Variants in PAX3 observed in about 807,000 individuals in gnomAD.
The protein encoded by PAX3 is paired box protein Pax-3.
In PAX3, 14 loss-of-function variants were observed where a neutral mutation model predicts 51.6. That is an observed-to-expected ratio of 0.27 (90% CI 0.18 to 0.42). The LOEUF (loss-of-function observed/expected upper bound fraction) is 0.42. Among genes scored for constraint, PAX3 ranks in the 10% least tolerant of loss-of-function variants. PAX3 has a pLI of 1.00. For missense variants in PAX3, 540 were observed against 642.8 expected (o/e 0.84, Z 1.73); for synonymous variants, 280 against 253.4 (o/e 1.11, Z -1.00).
intron 5 of PAX3, among the ~76,000 whole-genome samples, chr2:222,229,338 A>T (rs1370574256): frequency 6.6e-6 from 1 of 151,730 alleles, no homozygotes; most frequent in Non-Finnish European, 1.5e-5. Flanking sequence ...TTTCTATTGA[A>T]ATATTATGAC....
Position 222,297,578 on chromosome 2 carries a change from T to C in PAX3, c.86-365A>G, listed in dbSNP as rs45533631. ...GGCGAAGAGAAGTTCACCCAGGAGCTGGCCTTGATGAACTCTGCTCCCACC... is the reference window on the plus strand; with the variant it reads ...GGCGAAGAGAAGTTCACCCAGGAGCCGGCCTTGATGAACTCTGCTCCCACC... On this transcript the variant is annotated intron_variant, in intron 1 of 8. Transcript: ENST00000392070. Among the ~76,000 whole-genome samples, 13 of 152,290 alleles carry C rather than the reference T, an allele frequency of 8.5e-5. No homozygotes were observed. The East Asian group carries it at 2.5e-3, about 29-fold the overall frequency.
chr2:222,230,553 A>G (rs962274558), intron 5 of PAX3, among the ~76,000 whole-genome samples: 6 of 152,022 alleles, frequency 3.9e-5, no homozygotes, highest in African/African-American at 1.5e-4. Flanking sequence ...CCCAGAACTT[A>G]AAGTATAATT....
chr2:222,270,656 C>G (rs539491393), intron 4 of PAX3, among the ~76,000 whole-genome samples: 26 of 152,282 alleles, frequency 1.7e-4, no homozygotes, highest in Non-Finnish European at 3.4e-4. Context: ...CATAAATCTC[C>G]AACTCCTTCC....
At chr2:222,280,569 C>T (rs1453862003) in intron 4 of PAX3, among the ~76,000 whole-genome samples, 1 of 152,098 alleles carries the variant, frequency 6.6e-6, no homozygotes, top group Non-Finnish European at 1.5e-5. Context: ...TTGTATTTCC[C>T]TACTTTTTAC....
At chr2:222,246,374 C>T (rs1693227894) in intron 4 of PAX3, among the ~76,000 whole-genome samples, 1 of 152,168 alleles carries the variant, frequency 6.6e-6, no homozygotes, top group Non-Finnish European at 1.5e-5. Flanking sequence ...TTCTTCACCA[C>T]CCAATTTACA....
intron 7 of PAX3, among the ~76,000 whole-genome samples, chr2:222,216,202 G>C (rs1044329699): frequency 6.6e-6 from 1 of 152,152 alleles, no homozygotes; most frequent in African/African-American, 2.4e-5. Context: ...TGTGTAATTT[G>C]TGTTCATAGA....
At chr2:222,298,440 G>C (rs1254158983) in intron 1 of PAX3, 91 bp downstream of exon 1, 2 of 1,069,416 alleles carry the variant, frequency 1.9e-6, no homozygotes, top group East Asian at 2.6e-5. Flanking sequence ...CTTCCTGGAA[G>C]CACCAAAGGA....
Position 222,254,874 on chromosome 2 carries a change from C to G in PAX3, c.587-22591G>C, listed in dbSNP as rs542312222. Among the ~76,000 whole-genome samples the G allele has an allele frequency of 1.1e-4, 17 of 152,252 alleles. No homozygotes were observed. The East Asian group carries it at 3.1e-3, about 28-fold the overall frequency. ...CTCATCTCACTGCAACCTCCGCCTCCTGGGTTCAAGCAACTCTCCTGTCTC... is the reference window on the plus strand; with the variant it reads ...CTCATCTCACTGCAACCTCCGCCTCGTGGGTTCAAGCAACTCTCCTGTCTC... On this transcript the variant is annotated intron_variant, in intron 4 of 8. Transcript: ENST00000392070.
chr2:222,282,017 A>G (rs1284080532), intron 4 of PAX3, among the ~76,000 whole-genome samples: 1 of 152,224 alleles, frequency 6.6e-6, no homozygotes, highest in Non-Finnish European at 1.5e-5. Context: ...CAGCAAGAAC[A>G]GTCAAGAAAG....
intron 4 of PAX3, among the ~76,000 whole-genome samples, chr2:222,286,094 C>T (rs966744684): frequency 2.0e-5 from 3 of 152,222 alleles, no homozygotes; most frequent in Admixed American, 2.0e-4. Context: ...TGTGCCATCA[C>T]ACCCAGCTAA....
At chr2:222,201,789 C>T in intron 8 of PAX3, 155 bp downstream of exon 8, 1 of 1,531,432 alleles carries the variant, frequency 6.5e-7, no homozygotes, top group East Asian at 2.4e-5. Flanking sequence ...CACAAGGAAG[C>T]CCCTGCTGGA....
Position 222,294,652 on chromosome 2 carries a change from G to C in PAX3, c.452-351C>G, listed in dbSNP as rs961711018. The stretch of plus-strand genomic sequence containing the variant: ...ACCGGGCTCTAGGTCTGCAATCTAA[G>C]AGAATTCTCCCACCAGCCCACCGGG... On this transcript the variant is annotated intron_variant, in intron 3 of 8. Coordinates refer to ENST00000392070, the MANE Select transcript of PAX3 (RefSeq NM_181458.4). Among the ~76,000 whole-genome samples the C allele has an allele frequency of 6.6e-5, 10 of 151,230 alleles. No individual in the cohort carries two copies. The South Asian group carries it at 2.1e-3, about 32-fold the overall frequency.
intron 7 of PAX3, among the ~76,000 whole-genome samples, chr2:222,203,982 G>T (rs912698136): frequency 2.1e-4 from 32 of 152,122 alleles, no homozygotes; most frequent in African/African-American, 7.7e-4. Flanking sequence ...AGGTGGGCTG[G>T]TGTGGGCAAA....
intron 1 of PAX3, among the ~76,000 whole-genome samples, chr2:222,297,750 C>T (rs1695382603): frequency 6.6e-6 from 1 of 152,248 alleles, no homozygotes; most frequent in Non-Finnish European, 1.5e-5. Flanking sequence ...TCACCTGTTA[C>T]ATCTTGGGAC....
intron 4 of PAX3, among the ~76,000 whole-genome samples, chr2:222,277,075 T>C (rs1402287060): frequency 6.6e-6 from 1 of 152,166 alleles, no homozygotes; most frequent in African/African-American, 2.4e-5. Context: ...TCTCCCCACC[T>C]CTGCTGAACA....
intron 5 of PAX3, among the ~76,000 whole-genome samples, chr2:222,228,771 CA>C (rs1692475453): frequency 6.6e-6 from 1 of 151,760 alleles, no homozygotes; most frequent in Admixed American, 6.6e-5. Flanking sequence ...CCCAGCTCTA[CA>C]AAAAAATAGA....
intron 4 of PAX3, among the ~76,000 whole-genome samples, chr2:222,261,419 C>T (rs1308883880): frequency 6.6e-6 from 1 of 152,066 alleles, no homozygotes; most frequent in African/African-American, 2.4e-5. Flanking sequence ...AAATACCTAG[C>T]ACACATGTCA....
chr2:222,260,591 GTTT>G (rs374339768), intron 4 of PAX3, among the ~76,000 whole-genome samples: 3 of 63,092 alleles, frequency 4.8e-5, no homozygotes, highest in African/African-American at 6.7e-5. Flanking sequence ...TTTTTTTTTT[GTTT>G]TTTTTTTTTT....
intron 4 of PAX3, among the ~76,000 whole-genome samples, chr2:222,273,977 G>A (rs1207516938): frequency 6.6e-6 from 1 of 152,118 alleles, no homozygotes; most frequent in South Asian, 2.1e-4. Flanking sequence ...TAAATTCGGA[G>A]TTTGGTACTT....
Sources: gnomAD v4.1 joint callset for allele counts (sites outside exome capture counted in the v4.1 genomes callset) on GRCh38, gnomAD v4.1.1 for gene constraint, MANE v1.5 for transcripts, NCBI Gene and HGNC (gene_info 2026-07-23, HGNC 2026-07-21) for gene names.